The following CSMD2 variants were observed in gnomAD, a reference collection of about 807,000 sequenced individuals.
The protein encoded by CSMD2 is CUB and Sushi multiple domains 2.
Under a neutral mutation model 398.5 loss-of-function variants are expected in CSMD2, and 130 were observed. The observed-to-expected ratio is 0.33, with a 90% CI of 0.28 to 0.38. The LOEUF (loss-of-function observed/expected upper bound fraction) is 0.38, where lower values mean the gene tolerates loss of function less well. Among genes scored for constraint, CSMD2 ranks in the 10% least tolerant of loss-of-function variants. The probability of loss-of-function intolerance (pLI) is 1.00; values close to 1 mark genes in which losing one functional copy is unlikely to be tolerated. For synonymous variants in CSMD2, 1,828 were observed against 1,908.5 expected, an observed-to-expected ratio of 0.96 and a Z score of 1.10; for missense variants, 3,829 against 4,764.9, an observed-to-expected ratio of 0.80 and a Z score of 5.78.
chr1:33,611,124 A>T lies in CSMD2; in HGVS notation c.6260T>A (p.Leu2087His), dbSNP rs765335711. ...GGTGGTCTCGTGGGACGTGGAGAGGAGGGAGCTTGGAAGCTCGCTTCCACT... is the reference window on the plus strand; with the variant it reads ...GGTGGTCTCGTGGGACGTGGAGAGGTGGGAGCTTGGAAGCTCGCTTCCACT... ...RFSGSELPSS[L>H]LSTSHETTVY... Residue 2087 changes from leucine (L) to histidine (H), a missense_variant, in exon 41 of 71, where the codon CTC becomes CAC. Physicochemically the swap from Leu to His is moderately conservative, Grantham distance 99. This residue lies in a region of CSMD2 where 2,001 missense variants were observed against 2,567.1 expected (regional missense o/e 0.78). Coordinates refer to ENST00000373381, the MANE Select transcript of CSMD2 (RefSeq NM_001281956.2). 4.3e-6 allele frequency: 7 copies of T among 1,613,742 alleles called. No homozygotes were observed. In the African/African-American group the frequency reaches 9.4e-5, roughly 22 times the overall value.
intron 44 of CSMD2, chr1:33,592,431 C>T: frequency 1.4e-6 from 1 of 716,384 alleles, no homozygotes; most frequent in Non-Finnish European, 2.6e-6. Flanking sequence ...GCTTCTGTGG[C>T]TGGGGGGCAG....
At chr1:33,613,472 C>T (rs1641181294) in intron 40 of CSMD2, among the ~76,000 whole-genome samples, 1 of 152,130 alleles carries the variant, frequency 6.6e-6, no homozygotes, top group Admixed American at 6.5e-5. Flanking sequence ...TGGTACTGAA[C>T]ACCCAGTTTC....
At chr1:33,543,287 G>A (rs535716893) in intron 57 of CSMD2, among the ~76,000 whole-genome samples, 33 of 152,216 alleles carry the variant, frequency 2.2e-4, no homozygotes, top group East Asian at 5.8e-4. Flanking sequence ...TGGTTGACAC[G>A]TCTCTAAGAC....
At chr1:33,652,658 G>C (rs1244969434) in intron 27 of CSMD2, among the ~76,000 whole-genome samples, 197 bp from the exon 28 acceptor site, 1 of 152,180 alleles carries the variant, frequency 6.6e-6, no homozygotes, top group Non-Finnish European at 1.5e-5. Context: ...TAGTGGTGGT[G>C]GTTGCGCAAC....
chr1:33,726,966 G>A (rs1385920690), intron 15 of CSMD2, among the ~76,000 whole-genome samples: 1 of 152,042 alleles, frequency 6.6e-6, no homozygotes, highest in Non-Finnish European at 1.5e-5. Flanking sequence ...CTAATATTTG[G>A]GCCACATGGT....
intron 2 of CSMD2, among the ~76,000 whole-genome samples, chr1:34,035,337 C>G (rs1570893996): frequency 6.6e-6 from 1 of 152,146 alleles, no homozygotes; most frequent in East Asian, 1.9e-4. Context: ...AAAAGAAGAA[C>G]AAACATTTCC....
chr1:34,005,850 C>T (rs571608970), intron 3 of CSMD2, among the ~76,000 whole-genome samples: 25 of 152,342 alleles, frequency 1.6e-4, no homozygotes, highest in African/African-American at 3.4e-4. Context: ...ATCAATCATG[C>T]ACACTGTTAT....
intron 3 of CSMD2, among the ~76,000 whole-genome samples, chr1:33,969,758 T>C (rs1278972636): frequency 6.6e-6 from 1 of 151,708 alleles, no homozygotes; most frequent in East Asian, 1.9e-4. Context: ...AATGAGTGAG[T>C]GAGTGTGTAT....
intron 10 of CSMD2, among the ~76,000 whole-genome samples, chr1:33,797,970 T>C (rs1275646650): frequency 6.6e-6 from 1 of 152,196 alleles, no homozygotes; most frequent in East Asian, 1.9e-4. Flanking sequence ...GTGAACCACA[T>C]TTCAGAGTGC....
chr1:33,981,784 C>G (rs1302629033), intron 3 of CSMD2, among the ~76,000 whole-genome samples: 1 of 152,134 alleles, frequency 6.6e-6, no homozygotes, highest in African/African-American at 2.4e-5. Context: ...GAGGAGAACC[C>G]CTGGGACAAT....
intron 5 of CSMD2, among the ~76,000 whole-genome samples, chr1:33,867,692 C>T (rs186487825): frequency 6.6e-6 from 1 of 152,140 alleles, no homozygotes; most frequent in African/African-American, 2.4e-5. Context: ...TCTCTTGTTA[C>T]CAACATCTTG....
intron 1 of CSMD2, among the ~76,000 whole-genome samples, chr1:34,157,385 T>C (rs1640900437): frequency 6.6e-6 from 1 of 152,150 alleles, no homozygotes; most frequent in Non-Finnish European, 1.5e-5. Context: ...GCCTATTCAA[T>C]TGGTTATATA....
chr1:33,760,413 T>C (rs900052306), intron 13 of CSMD2, among the ~76,000 whole-genome samples: 1 of 152,184 alleles, frequency 6.6e-6, no homozygotes, highest in African/African-American at 2.4e-5. Context: ...TACTGGGAAG[T>C]AGCTGAGTCC....
intron 5 of CSMD2, among the ~76,000 whole-genome samples, chr1:33,914,671 AG>A (rs970934761): frequency 2.6e-5 from 4 of 152,320 alleles, no homozygotes; most frequent in African/African-American, 9.6e-5. Context: ...GGATTCCCAA[AG>A]GCTGGACCGG....
At chr1:33,868,255 T>C (rs556115937) in intron 5 of CSMD2, among the ~76,000 whole-genome samples, 3 of 152,306 alleles carry the variant, frequency 2.0e-5, no homozygotes, top group Admixed American at 2.0e-4. Context: ...ACTGAATCAC[T>C]CAACTCTGAT....
intron 6 of CSMD2, among the ~76,000 whole-genome samples, chr1:33,831,129 G>C (rs1283447750): frequency 6.6e-6 from 1 of 151,970 alleles, no homozygotes; most frequent in Non-Finnish European, 1.5e-5. Context: ...TAGCAAGGCA[G>C]GCCAACGTTC....
chr1:33,735,520 C>T (rs1646857382), intron 15 of CSMD2, among the ~76,000 whole-genome samples: 1 of 152,182 alleles, frequency 6.6e-6, no homozygotes, highest in South Asian at 2.1e-4. Context: ...AGATCACAGA[C>T]TTGGTCAATC....
chr1:33,996,196 A>G (rs924277632), intron 3 of CSMD2, among the ~76,000 whole-genome samples: 1 of 151,338 alleles, frequency 6.6e-6, no homozygotes, highest in Non-Finnish European at 1.5e-5. Flanking sequence ...ACTGGTAATC[A>G]GAGCAATATG....
In CSMD2 at chr1:33,780,983, T is replaced by C. The variant is rs150435096; in HGVS notation, c.1663+7617A>G. Among the ~76,000 whole-genome samples, 820 of 152,320 alleles carry C rather than the reference T, an allele frequency of 5.4e-3. 9 individuals are homozygous for C. The highest frequency in any genetic ancestry group is 0.018 in the African/African-American group (763 of 41,580). On this transcript the variant is annotated intron_variant, in intron 12 of 70. Transcript: ENST00000373381. ...TCTGACAAGAGGAAAGGCGGTGTCC[T>C]AGAGGGAGTGGTGAGTGATGCTGGT...
Sources: gnomAD v4.1 joint callset for allele counts (sites outside exome capture counted in the v4.1 genomes callset) on GRCh38, gnomAD v4.1.1 for gene constraint, gnomAD v4.1.1 regional missense constraint, MANE v1.5 for transcripts, NCBI Gene and HGNC (gene_info 2026-07-23, HGNC 2026-07-21) for gene names.